ADAM32: variants seen among roughly 807,000 people sequenced by gnomAD.
ADAM32 encodes the protein disintegrin and metalloproteinase domain-containing protein 32.
ADAM32 carries 89 observed loss-of-function variants against 114.9 expected under a neutral mutation model. The ratio of observed to expected loss-of-function variants is 0.77; its 90% CI spans 0.65 to 0.92. The LOEUF (loss-of-function observed/expected upper bound fraction) is 0.92, where lower values mean the gene tolerates loss of function less well. Among genes scored for constraint, ADAM32 ranks in the 40% least tolerant of loss-of-function variants. ADAM32 has a pLI of 0.00. For missense variants in ADAM32, 870 were observed against 932.8 expected (o/e 0.93, Z 0.88); for synonymous variants, 285 against 307.5 (o/e 0.93, Z 0.77).
At chr8:39,168,048 A>G (rs1205146069) in intron 9 of ADAM32, 3 of 152,120 alleles carry the variant, frequency 2.0e-5, no homozygotes, top group Non-Finnish European at 4.4e-5. Context: ...GAATGCTTAG[A>G]TACTAACATT....
At chr8:39,121,839 G>A (rs1016578276) in intron 2 of ADAM32, among the ~76,000 whole-genome samples, 1 of 152,192 alleles carries the variant, frequency 6.6e-6, no homozygotes, top group Non-Finnish European at 1.5e-5. Context: ...AGTCCCTAGG[G>A]CCATGGGAGA....
chr8:39,278,099 A>T (rs1316614931), intron 22 of ADAM32, among the ~76,000 whole-genome samples: 1 of 152,068 alleles, frequency 6.6e-6, no homozygotes, highest in Non-Finnish European at 1.5e-5. Flanking sequence ...TGAAAAGGGG[A>T]TGGGCAGGAA....
intron 2 of ADAM32, among the ~76,000 whole-genome samples, chr8:39,134,675 A>G (rs10103990): frequency 0.34 from 52,315 of 151,896 alleles, 9,892 homozygotes; most frequent in East Asian, 0.58. Flanking sequence ...ACTCCTCTAC[A>G]CTCTTTAAAG....
At chr8:39,207,693 C>CT (rs1807938820) in intron 11 of ADAM32, among the ~76,000 whole-genome samples, 1 of 152,206 alleles carries the variant, frequency 6.6e-6, no homozygotes, top group Non-Finnish European at 1.5e-5. Flanking sequence ...TAACCAACCT[C>CT]TCCCAGTCTT....
chr8:39,108,026 G>C lies in ADAM32; in HGVS notation c.58+193G>C, dbSNP rs1004441067. On this transcript the variant is annotated intron_variant, in intron 1 of 24. Coordinates refer to ENST00000379907, the MANE Select transcript of ADAM32 (RefSeq NM_145004.7). Reference sequence around the variant, plus strand: ...GGGCCCAGCACCAGGGCTCACGCCTGTAATCCCAGGGCTTTGAGAGACTGA... The same window carrying C: ...GGGCCCAGCACCAGGGCTCACGCCTCTAATCCCAGGGCTTTGAGAGACTGA... The C allele has an allele frequency of 1.4e-5, 10 of 702,138 alleles. No individual in the cohort carries two copies. In the African/African-American group the frequency reaches 1.9e-4, roughly 13 times the overall value. The allele number at this position is 702,138 out of a possible 1,614,324, so 43.5% of individuals were successfully genotyped here. A position where few individuals can be genotyped will look rare whatever the true frequency, so the allele number is the denominator to read the frequency against.
chr8:39,274,998 A>C (rs1244879002), intron 21 of ADAM32, among the ~76,000 whole-genome samples: 1 of 152,170 alleles, frequency 6.6e-6, no homozygotes, highest in East Asian at 1.9e-4. Context: ...TCTCTGTGTG[A>C]TGATTTTTCC....
chr8:39,271,222 T>C (rs1585693759), intron 20 of ADAM32, among the ~76,000 whole-genome samples: 1 of 152,190 alleles, frequency 6.6e-6, no homozygotes, highest in Non-Finnish European at 1.5e-5. Context: ...GCTTGTGTTA[T>C]AGAGGCACGT....
Position 39,149,726 on chromosome 8 carries a change from A to G in ADAM32, c.277-65A>G, listed in dbSNP as rs1479015860. 7.1e-6 allele frequency: 8 copies of G among 1,130,488 alleles called. 1 individual carries two copies. In the Admixed American group the frequency reaches 1.5e-4, roughly 21 times the overall value. 70.0% of individuals were successfully genotyped at this position (1,130,488 alleles called of 1,614,324 possible). On this transcript the variant is annotated intron_variant, in intron 4 of 24. Transcript: ENST00000379907. The stretch of plus-strand genomic sequence containing the variant: ...TTCAGAAGGTTCTATCAAGTATAGA[A>G]GTAGGAAATCACTAGAAAGTTTTGT...
intron 10 of ADAM32, among the ~76,000 whole-genome samples, chr8:39,179,065 G>GT (rs1805690915): frequency 6.6e-6 from 1 of 152,200 alleles, no homozygotes. Context: ...GATGTGCTGT[G>GT]TTTGGGGGAG....
chr8:39,169,104 C>A (rs4133178), intron 9 of ADAM32: 37,467 of 152,042 alleles, frequency 0.25, 4,995 homozygotes, highest in Non-Finnish European at 0.29. Flanking sequence ...GTGAAGTGCA[C>A]TTGAGACAGA....
chr8:39,219,574 G>A (rs1484101527), intron 12 of ADAM32, among the ~76,000 whole-genome samples: 2 of 152,316 alleles, frequency 1.3e-5, no homozygotes, highest in East Asian at 3.9e-4. Flanking sequence ...CATAGACACT[G>A]TGCTCTCCTC....
At chr8:39,133,499 G>GT (rs1802589308) in intron 2 of ADAM32, among the ~76,000 whole-genome samples, 2 of 152,388 alleles carry the variant, frequency 1.3e-5, no homozygotes, top group African/African-American at 4.8e-5. Context: ...AGTGGTGGCA[G>GT]TGGCAGGTCA....
chr8:39,123,551 G>A (rs1466786583), intron 2 of ADAM32, among the ~76,000 whole-genome samples: 1 of 151,886 alleles, frequency 6.6e-6, no homozygotes, highest in African/African-American at 2.4e-5. Context: ...AAAACTGCTT[G>A]GATTTTGATA....
intron 17 of ADAM32, among the ~76,000 whole-genome samples, chr8:39,248,294 G>A (rs540636163): frequency 6.6e-6 from 1 of 152,266 alleles, no homozygotes; most frequent in East Asian, 1.9e-4. Context: ...CTGATATCTT[G>A]ACGATATTGA....
chr8:39,225,293 T>A (rs938740768), intron 14 of ADAM32, among the ~76,000 whole-genome samples: 4 of 152,176 alleles, frequency 2.6e-5, no homozygotes, highest in Non-Finnish European at 5.9e-5. Flanking sequence ...TACACCCACA[T>A]GTGCTTGAGA....
At chr8:39,127,468 A>T (rs958268195) in intron 2 of ADAM32, among the ~76,000 whole-genome samples, 2 of 151,986 alleles carry the variant, frequency 1.3e-5, no homozygotes, top group South Asian at 4.2e-4. Context: ...ATGTGCATAG[A>T]GGTGTTTATA....
At chr8:39,179,528 T>C (rs79209203) in intron 10 of ADAM32, among the ~76,000 whole-genome samples, 53 of 152,292 alleles carry the variant, frequency 3.5e-4, no homozygotes, top group African/African-American at 1.2e-3. Flanking sequence ...AAATGGCTGC[T>C]TCCCTGAGGC....
chr8:39,269,442 G>A (rs1488952089), intron 19 of ADAM32, among the ~76,000 whole-genome samples: 6 of 152,186 alleles, frequency 3.9e-5, no homozygotes, highest in Admixed American at 3.9e-4. Context: ...AGAATTAGAA[G>A]TATGCTTTTA....
chr8:39,148,950 A>G (rs1184535599), intron 4 of ADAM32, among the ~76,000 whole-genome samples: 1 of 152,064 alleles, frequency 6.6e-6, no homozygotes, highest in African/African-American at 2.4e-5. Context: ...TTCCTTTGTA[A>G]TCTATTGAGT....
Sources: gnomAD v4.1 joint callset for allele counts (sites outside exome capture counted in the v4.1 genomes callset) on GRCh38, gnomAD v4.1.1 for gene constraint, MANE v1.5 for transcripts, NCBI Gene and HGNC (gene_info 2026-07-23, HGNC 2026-07-21) for gene names.